Variants in NBPF14 observed in about 807,000 individuals in gnomAD.
The protein encoded by NBPF14 is NBPF family member NBPF14.
In NBPF14, 104 loss-of-function variants were observed where a neutral mutation model predicts 91.2. The observed-to-expected ratio is 1.14, with a 90% CI of 0.97 to 1.34. The LOEUF (loss-of-function observed/expected upper bound fraction) is 1.34. Among genes scored for constraint, NBPF14 ranks in the 40% most tolerant of loss-of-function variants. The pLI is 0.00. For synonymous variants in NBPF14, 294 were observed against 303.8 expected (o/e 0.97, Z 0.34); for missense variants, 908 against 783.0 (o/e 1.16, Z -1.91).
intron 22 of NBPF14, among the ~76,000 whole-genome samples, 197 bp from the exon 23 acceptor site, chr1:148,571,234 GACAC>G (rs1187478824): frequency 2.9e-3 from 210 of 72,476 alleles, no homozygotes; most frequent in Middle Eastern, 0.01. Context: ...AAGACAGATA[GACAC>G]ACACACACAC....
intron 2 of NBPF14, among the ~76,000 whole-genome samples, chr1:148,594,121 G>C (rs1479831873): frequency 6.9e-6 from 1 of 145,046 alleles, no homozygotes; most frequent in East Asian, 2.0e-4. Context: ...CCTTTTACTG[G>C]GTATTTCAAG....
At chr1:148,577,405 A>G (rs1660023984) in intron 14 of NBPF14, 50 bp from the exon 15 acceptor site, 1 of 653,780 alleles carries the variant, frequency 1.5e-6, no homozygotes, top group African/African-American at 1.9e-5. Flanking sequence ...ATCAGAAACC[A>G]CACAGCCCCA....
At chr1:148,533,464 C>A (rs1200316513) in intron 70 of NBPF14, among the ~76,000 whole-genome samples, 2 of 151,598 alleles carry the variant, frequency 1.3e-5, no homozygotes, top group Admixed American at 6.6e-5. Flanking sequence ...GAGACAGAGA[C>A]AGAGACAGAG....
intron 13 of NBPF14, 138 bp downstream of exon 13, chr1:148,578,936 T>A (rs1466836461): frequency 1.5e-6 from 1 of 687,988 alleles, no homozygotes; most frequent in Non-Finnish European, 2.6e-6. Flanking sequence ...CCAGAGTGAC[T>A]GAAATCTACA....
At position 148,573,213 on chromosome 1, in the gene NBPF14, C is replaced by G; in HGVS notation, c.2585+17G>C. The G allele has an allele frequency of 1.7e-4, 1 of 5,756 alleles. No individual in the cohort carries two copies. The highest frequency in any genetic ancestry group is 5.5e-4 in the Admixed American group (1 of 1,832). 0.4% of individuals were successfully genotyped at this position (5,756 alleles called of 1,614,324 possible). On this transcript the variant is annotated intron_variant, in intron 20 of 70. Transcript: ENST00000619423. The stretch of plus-strand genomic sequence containing the variant: ...GTGTTAACACAGAATTAAGCATCCA[C>G]AATTGCTGAAAGTCACCTGGGGCAT...
At chr1:148,533,185 A>C (rs781819167) in exon 71 of NBPF14, 5 of 685,902 alleles carry the variant, frequency 7.3e-6, no homozygotes, top group Non-Finnish European at 1.1e-5. Context: ...GAGTCGAATA[A>C]CATCTATCCA....
chr1:148,572,374 G>T, intron 21 of NBPF14, 69 bp downstream of exon 21: 2 of 364,066 alleles, frequency 5.5e-6, no homozygotes, highest in Non-Finnish European at 9.2e-6. Context: ...AGGGGCACTT[G>T]GAACAGGAAT....
intron 14 of NBPF14, among the ~76,000 whole-genome samples, chr1:148,577,610 G>C (rs1272255262): frequency 6.7e-6 from 1 of 149,578 alleles, no homozygotes; most frequent in Non-Finnish European, 1.5e-5. Flanking sequence ...CAGTCAATTG[G>C]TCAGGTGACA....
At chr1:148,577,236 C>G in exon 15 of NBPF14, 1 of 677,780 alleles carries the variant, frequency 1.5e-6, no homozygotes, top group Non-Finnish European at 2.7e-6. Flanking sequence ...ATAAAAGGCA[C>G]TTCTGTAGGG....
At chr1:148,559,963 A>G (rs1426503465) in exon 37 of NBPF14, 1 of 1,337,296 alleles carries the variant, frequency 7.5e-7, no homozygotes, top group Non-Finnish European at 1.0e-6. Flanking sequence ...CTCCCTGCTG[A>G]GCCTGGAAAA....
chr1:148,542,921 TAG>T (rs1394242770), intron 58 of NBPF14, among the ~76,000 whole-genome samples, 195 bp from the exon 59 acceptor site: 21 of 13,778 alleles, frequency 1.5e-3, no homozygotes, highest in African/African-American at 4.8e-3. Flanking sequence ...GAAAGACAGA[TAG>T]ACACACACAC....
chr1:148,551,747 C>T (rs1656243478), intron 47 of NBPF14, among the ~76,000 whole-genome samples: 1 of 19,618 alleles, frequency 5.1e-5, no homozygotes, highest in Non-Finnish European at 8.2e-5. Context: ...AGAATAGGAT[C>T]AGGGCACCAC....
chr1:148,557,393 A>C, intron 40 of NBPF14, 98 bp downstream of exon 40: 1 of 515,446 alleles, frequency 1.9e-6, no homozygotes. Flanking sequence ...GGCTTGGTTG[A>C]AAAGATGTAA....
In NBPF14 at chr1:148,533,848, T is replaced by A. The variant is rs1654302444; in HGVS notation, c.8723+13A>T. On this transcript the variant is annotated intron_variant, in intron 70 of 70. Coordinates refer to ENST00000619423, the Ensembl canonical transcript of NBPF14. ...TAACACAGAACTAAGGATCCACAAT[T>A]GCTGAAAGTCACCTGGGGCATGGTG... 2 of 765,340 alleles carry A rather than the reference T, an allele frequency of 2.6e-6. No homozygotes were observed. Among genetic ancestry groups the A allele is most frequent in the Non-Finnish European group, 4.8e-6 (2 of 418,296 alleles). The allele number at this position is 765,340 out of a possible 1,614,324, so 47.4% of individuals were successfully genotyped here. A position where few individuals can be genotyped will look rare whatever the true frequency, so the allele number is the denominator to read the frequency against.
intron 2 of NBPF14, among the ~76,000 whole-genome samples, chr1:148,594,935 C>T (rs1663067632): frequency 1.7e-5 from 2 of 115,812 alleles, no homozygotes; most frequent in South Asian, 6.3e-4. Flanking sequence ...TGACCTCGTG[C>T]TCTGCCCGCC....
intron 36 of NBPF14, among the ~76,000 whole-genome samples, 170 bp from the exon 37 acceptor site, chr1:148,560,135 A>G (rs1657499662): frequency 6.6e-6 from 1 of 151,082 alleles, no homozygotes; most frequent in Non-Finnish European, 1.5e-5. Context: ...GGCCAGGTAG[A>G]AAACAATGAA....
At chr1:148,534,961 G>A (rs1430750415) in intron 68 of NBPF14, 105 bp from the exon 69 acceptor site, 4 of 741,470 alleles carry the variant, frequency 5.4e-6, no homozygotes, top group Admixed American at 3.9e-5. Flanking sequence ...AAAAGAAAAA[G>A]GACAGATCCA....
chr1:148,566,255 T>C, exon 29 of NBPF14: 2 of 632,772 alleles, frequency 3.2e-6, no homozygotes, highest in Non-Finnish European at 2.8e-6. Flanking sequence ...TTGAATAACA[T>C]CTATCCAGTG....
chr1:148,550,027 T>G, intron 49 of NBPF14, among the ~76,000 whole-genome samples: 1 of 91,120 alleles, frequency 1.1e-5, no homozygotes, highest in African/African-American at 9.0e-5. Context: ...TAGCGAGGAT[T>G]TTACACGCTG....
Sources: allele counts gnomAD v4.1 joint callset (sites outside exome capture counted in the v4.1 genomes callset), GRCh38; gene constraint gnomAD v4.1.1; transcripts MANE v1.5; gene names NCBI Gene and HGNC (gene_info 2026-07-23, HGNC 2026-07-21).